Variants in KIAA1217 observed in about 807,000 individuals in gnomAD.
KIAA1217 encodes KIAA1217.
In KIAA1217, 88 loss-of-function variants were observed where a neutral mutation model predicts 163.9. The ratio of observed to expected loss-of-function variants is 0.54; its 90% confidence interval spans 0.45 to 0.64. The LOEUF (loss-of-function observed/expected upper bound fraction) is 0.64, where lower values mean the gene tolerates loss of function less well. Among genes scored for constraint, KIAA1217 ranks in the 30% least tolerant of loss-of-function variants. The probability of loss-of-function intolerance (pLI) is 0.00; values close to 1 mark genes in which losing one functional copy is unlikely to be tolerated. For missense variants in KIAA1217, 2,372 were observed against 2,475.0 expected, an observed-to-expected ratio of 0.96 and a Z score of 0.88; for synonymous variants, 903 against 923.1, an observed-to-expected ratio of 0.98 and a Z score of 0.39.
At chr10:24,300,854 C>T (rs1025476196) in intron 2 of KIAA1217, among the ~76,000 whole-genome samples, 3 of 152,112 alleles carry the variant, frequency 2.0e-5, no homozygotes, top group Non-Finnish European at 2.9e-5. Flanking sequence ...ACTCTGTTGC[C>T]CAGGCTGGAG....
chr10:24,525,611 A>G (rs1378801795), intron 13 of KIAA1217, among the ~76,000 whole-genome samples: 1 of 152,218 alleles, frequency 6.6e-6, no homozygotes, highest in Non-Finnish European at 1.5e-5. Context: ...TAGAATTAAG[A>G]GAGCTGGATG....
intron 2 of KIAA1217, among the ~76,000 whole-genome samples, chr10:24,147,689 C>G (rs1411779933): frequency 1.3e-5 from 2 of 151,486 alleles, no homozygotes; most frequent in Non-Finnish European, 2.9e-5. Flanking sequence ...TTAAATTAGC[C>G]AGGTGTGGTG....
chr10:24,397,914 C>T (rs1320893975), intron 3 of KIAA1217, among the ~76,000 whole-genome samples: 1 of 152,178 alleles, frequency 6.6e-6, no homozygotes, highest in Non-Finnish European at 1.5e-5. Context: ...TCAGGATCAT[C>T]TCATCTGGGT....
At chr10:24,218,305 G>A (rs1055017796) in intron 1 of KIAA1217, among the ~76,000 whole-genome samples, 1 of 152,002 alleles carries the variant, frequency 6.6e-6, no homozygotes, top group Non-Finnish European at 1.5e-5. Context: ...GACATCATAT[G>A]ACTTGGTTGA....
At chr10:23,828,391 G>C (rs1414232131) in intron 1 of KIAA1217, among the ~76,000 whole-genome samples, 1 of 152,108 alleles carries the variant, frequency 6.6e-6, no homozygotes, top group Non-Finnish European at 1.5e-5. Flanking sequence ...AGTCTGGTTT[G>C]AGAGGGTGGG....
At chr10:23,730,021 T>C (rs2210827) in intron 1 of KIAA1217, among the ~76,000 whole-genome samples, 33,186 of 151,920 alleles carry the variant, frequency 0.22, 3,868 homozygotes, top group Middle Eastern at 0.29. Context: ...CCTGCCTCAG[T>C]CTCCCAAGTA....
At chr10:24,323,386 C>G (rs1314917104) in intron 2 of KIAA1217, among the ~76,000 whole-genome samples, 2 of 152,206 alleles carry the variant, frequency 1.3e-5, no homozygotes, top group African/African-American at 4.8e-5. Flanking sequence ...CCGTCAGTGG[C>G]TAACCAAATC....
chr10:24,327,514 A>C lies in KIAA1217; in HGVS notation c.355-53355A>C, dbSNP rs531796187. ...TTTTTTGTTTGTTTGTTTTTGAGAC[A>C]GGGTCTTGTTCTGTTGCCCAGGCTA... On this transcript the variant is annotated intron_variant, in intron 2 of 20. Transcript: ENST00000376454. Among the ~76,000 whole-genome samples the C allele has an allele frequency of 9.0e-4, 137 of 152,242 alleles. 1 individual carries two copies. The highest frequency in any genetic ancestry group is 3.0e-3 in the African/African-American group (126 of 41,558).
At chr10:23,767,326 A>G (rs186517968) in intron 1 of KIAA1217, among the ~76,000 whole-genome samples, 1 of 152,308 alleles carries the variant, frequency 6.6e-6, no homozygotes, top group East Asian at 1.9e-4. Flanking sequence ...TGTAGATATC[A>G]ATGTGGAGAA....
chr10:23,959,039 C>A (rs1368111395), intron 1 of KIAA1217, among the ~76,000 whole-genome samples: 4 of 151,056 alleles, frequency 2.6e-5, no homozygotes, highest in Non-Finnish European at 5.9e-5. Context: ...ACATTGTCTG[C>A]TGGACTGGAT....
At chr10:24,377,952 G>C (rs1564570383) in intron 2 of KIAA1217, among the ~76,000 whole-genome samples, 2 of 152,174 alleles carry the variant, frequency 1.3e-5, no homozygotes, top group Non-Finnish European at 2.9e-5. Context: ...GGACCCCACA[G>C]TGTACTGGAA....
chr10:23,992,678 A>C lies in KIAA1217; in HGVS notation c.-320-14547A>C, dbSNP rs909492346. Among the ~76,000 whole-genome samples, 27 of 149,360 alleles carry C rather than the reference A, an allele frequency of 1.8e-4. 1 individual carries two copies. The highest frequency in any genetic ancestry group is 6.4e-4 in the African/African-American group (25 of 39,160). On this transcript the variant is annotated intron_variant, in intron 1 of 18. Coordinates refer to the KIAA1217 transcript ENST00000376462. ...AACGCATCCCAGCCAAAGGTCTAGA[A>C]GGAAGCTTCAAGGTCAGGCCCTGAT... is the stretch of plus-strand genomic sequence containing the variant.
chr10:24,292,812 G>A (rs536675218), intron 2 of KIAA1217, among the ~76,000 whole-genome samples: 18 of 152,030 alleles, frequency 1.2e-4, no homozygotes, highest in Non-Finnish European at 2.4e-4. Flanking sequence ...AAGTGTGGCC[G>A]CTACTTGAAG....
intron 2 of KIAA1217, among the ~76,000 whole-genome samples, chr10:24,252,515 G>T (rs185885111): frequency 1.3e-5 from 2 of 152,304 alleles, no homozygotes; most frequent in East Asian, 3.9e-4. Flanking sequence ...AGAAGGTTGA[G>T]CCTGAAATGA....
intron 2 of KIAA1217, among the ~76,000 whole-genome samples, chr10:24,233,012 A>C (rs1385179079): frequency 6.6e-6 from 1 of 151,176 alleles, no homozygotes; most frequent in African/African-American, 2.4e-5. Flanking sequence ...ACAGTCCCAG[A>C]TACTTAGGAG....
intron 1 of KIAA1217, among the ~76,000 whole-genome samples, chr10:23,880,903 G>A (rs536238172): frequency 6.7e-4 from 102 of 152,078 alleles, no homozygotes; most frequent in African/African-American, 2.3e-3. Flanking sequence ...CTGCTTGCCT[G>A]GTGCAGACAA....
chr10:24,111,847 A>G (rs2062858434), intron 2 of KIAA1217, among the ~76,000 whole-genome samples: 1 of 152,222 alleles, frequency 6.6e-6, no homozygotes, highest in African/African-American at 2.4e-5. Flanking sequence ...AGTTCACTGC[A>G]GCCTCGACCT....
intron 2 of KIAA1217, among the ~76,000 whole-genome samples, chr10:24,038,888 C>A (rs1848507150): frequency 6.6e-6 from 1 of 151,692 alleles, no homozygotes; most frequent in African/African-American, 2.4e-5. Flanking sequence ...GGACTCTAGG[C>A]ATGTGCCACC....
At chr10:23,790,091 A>G (rs1271042861) in intron 1 of KIAA1217, among the ~76,000 whole-genome samples, 1 of 98,338 alleles carries the variant, frequency 1.0e-5, no homozygotes, top group African/African-American at 4.5e-5. Flanking sequence ...ACACATATGC[A>G]TATACACATA....
Sources: gnomAD v4.1 joint callset for allele counts (sites outside exome capture counted in the v4.1 genomes callset) on GRCh38, gnomAD v4.1.1 for gene constraint, MANE v1.5 for transcripts, NCBI Gene and HGNC (gene_info 2026-07-23, HGNC 2026-07-21) for gene names.